PAMR1: variants seen among roughly 807,000 people sequenced by gnomAD.
PAMR1 encodes inactive serine protease PAMR1.
A neutral mutation model predicts 81.8 loss-of-function variants in PAMR1; 88 were observed. The observed-to-expected ratio is 1.08, with a 90% confidence interval of 0.91 to 1.28. The LOEUF is 1.28. PAMR1 is among the 50% of genes most tolerant of loss of function. PAMR1 has a pLI of 0.00. For missense variants in PAMR1, 935 were observed against 919.7 expected, an observed-to-expected ratio of 1.02 and a Z score of -0.21; for synonymous variants, 336 against 345.3, an observed-to-expected ratio of 0.97 and a Z score of 0.30.
chr11:35,504,763 T>C (rs1317135852), intron 1 of PAMR1, among the ~76,000 whole-genome samples: 1 of 71,698 alleles, frequency 1.4e-5, no homozygotes, highest in Non-Finnish European at 2.9e-5. Context: ...GGGATTCCTC[T>C]TTTTTTTAAT....
At chr11:35,471,107 C>T (rs889053503) in intron 4 of PAMR1, among the ~76,000 whole-genome samples, 1 of 152,178 alleles carries the variant, frequency 6.6e-6, no homozygotes, top group African/African-American at 2.4e-5. Flanking sequence ...TTCCAGGGCA[C>T]TTTTTCCTCC....
chr11:35,459,932 G>T (rs1174499827), intron 6 of PAMR1, among the ~76,000 whole-genome samples: 1 of 152,210 alleles, frequency 6.6e-6, no homozygotes, highest in Non-Finnish European at 1.5e-5. Flanking sequence ...TAAAGTGCAG[G>T]TAATCAAAGT....
chr11:35,527,970 C>G (rs559564505), upstream of PAMR1, among the ~76,000 whole-genome samples: 6 of 152,114 alleles, frequency 3.9e-5, no homozygotes, highest in Non-Finnish European at 7.4e-5. Flanking sequence ...CTTCCCATGA[C>G]ACGTGGGGTT....
chr11:35,487,413 G>T (rs1297544149), intron 3 of PAMR1, among the ~76,000 whole-genome samples: 1 of 152,018 alleles, frequency 6.6e-6, no homozygotes, highest in Non-Finnish European at 1.5e-5. Flanking sequence ...GTCCTTCCCA[G>T]CTGGGATCCT....
intron 3 of PAMR1, 22 bp downstream of exon 3, chr11:35,492,023 A>ACTACTTAC: frequency 6.2e-7 from 1 of 1,600,498 alleles, no homozygotes; most frequent in African/African-American, 1.3e-5. Flanking sequence ...CTAGAGATGG[A>ACTACTTAC]GCTAGGTCAA....
chr11:35,516,193 C>T (rs1319282907), intron 1 of PAMR1, among the ~76,000 whole-genome samples: 2 of 152,168 alleles, frequency 1.3e-5, no homozygotes, highest in Admixed American at 1.3e-4. Context: ...GGGGAAGTAA[C>T]TTGCTAAATA....
At chr11:35,494,929 A>G (rs1221951438) in intron 1 of PAMR1, among the ~76,000 whole-genome samples, 1 of 152,238 alleles carries the variant, frequency 6.6e-6, no homozygotes, top group Non-Finnish European at 1.5e-5. Context: ...AAACCAGCAC[A>G]CATCTCTTAG....
chr11:35,484,925 G>A (rs1850470074), intron 3 of PAMR1, among the ~76,000 whole-genome samples: 1 of 152,178 alleles, frequency 6.6e-6, no homozygotes, highest in Admixed American at 6.5e-5. Flanking sequence ...TCAGCAGAGT[G>A]GTTCCACTTC....
At chr11:35,507,810 T>TTTTTTTTTTTTTTTGTTTTTTTTTTTG (rs1850995289) in intron 1 of PAMR1, among the ~76,000 whole-genome samples, 1 of 151,882 alleles carries the variant, frequency 6.6e-6, no homozygotes. Context: ...TTTTTTTTTT[T>TTTTTTTTTTTTTTTGTTTTTTTTTTTG]TCCTGCTGAG....
At chr11:35,448,546 T>C (rs1011662931) in intron 6 of PAMR1, among the ~76,000 whole-genome samples, 2 of 152,212 alleles carry the variant, frequency 1.3e-5, no homozygotes, top group Non-Finnish European at 2.9e-5. Flanking sequence ...CTGTAGTGTT[T>C]TATCATGATT....
In PAMR1 at chr11:35,525,526, CGAGAT is replaced by C; in HGVS notation, c.55_59del (p.Ile19ValfsTer10). 6.2e-7 allele frequency: 1 copy of C among 1,613,912 alleles called. No individual in the cohort carries two copies. Among genetic ancestry groups the C allele is most frequent in the South Asian group, 1.1e-5 (1 of 91,050 alleles). On this transcript the variant is annotated frameshift_variant, in exon 1 of 11. Transcript: ENST00000619888. LOFTEE classifies it high-confidence loss of function. ...TACTCACAGTACCTCTTGGCAAGGA[CGAGAT>C]GAGAAGGAGCTGAAGAAAAGTGAGC...
chr11:35,440,419 C>T (rs1204666265), intron 7 of PAMR1, among the ~76,000 whole-genome samples: 1 of 152,288 alleles, frequency 6.6e-6, no homozygotes, highest in Non-Finnish European at 1.5e-5. Flanking sequence ...GGATGAAGGT[C>T]GCTTCTGGCT....
At chr11:35,506,732 T>C (rs1850965590) in intron 1 of PAMR1, among the ~76,000 whole-genome samples, 1 of 152,050 alleles carries the variant, frequency 6.6e-6, no homozygotes, top group Non-Finnish European at 1.5e-5. Context: ...GCTTTTAGGG[T>C]CCTCTCTTTG....
At chr11:35,436,188 G>T in intron 8 of PAMR1, 53 bp from the exon 9 acceptor site, 1 of 1,193,978 alleles carries the variant, frequency 8.4e-7, no homozygotes, top group Non-Finnish European at 1.2e-6. Context: ...GAAAGTCACT[G>T]TGGCCTCTTT....
intron 1 of PAMR1, among the ~76,000 whole-genome samples, chr11:35,511,101 A>G (rs1419759532): frequency 1.3e-5 from 2 of 152,266 alleles, no homozygotes; most frequent in East Asian, 1.9e-4. Context: ...GCTTTCATAT[A>G]TTTAGTAAAC....
chr11:35,462,880 C>T (rs1005387414), intron 6 of PAMR1, among the ~76,000 whole-genome samples: 14 of 152,108 alleles, frequency 9.2e-5, no homozygotes, highest in African/African-American at 3.1e-4. Flanking sequence ...CACCTTGGGG[C>T]GTACCATCTC....
At chr11:35,498,401 T>C (rs1361368948) in intron 1 of PAMR1, among the ~76,000 whole-genome samples, 1 of 152,116 alleles carries the variant, frequency 6.6e-6, no homozygotes, top group South Asian at 2.1e-4. Flanking sequence ...GTAAAATGAG[T>C]GTACATTTTC....
chr11:35,522,563 G>A (rs188104550), intron 1 of PAMR1, among the ~76,000 whole-genome samples: 33 of 152,282 alleles, frequency 2.2e-4, no homozygotes, highest in East Asian at 1.5e-3. Flanking sequence ...ATATTCCGTC[G>A]TAGGTGTATA....
At chr11:35,435,585 G>C (rs1214509441) in intron 9 of PAMR1, among the ~76,000 whole-genome samples, 2 of 151,946 alleles carry the variant, frequency 1.3e-5, no homozygotes, top group Non-Finnish European at 2.9e-5. Context: ...GCTTAAACAG[G>C]GTAGCCAAGA....
Sources: allele counts gnomAD v4.1 joint callset (sites outside exome capture counted in the v4.1 genomes callset), GRCh38; gene constraint gnomAD v4.1.1; transcripts MANE v1.5; gene names NCBI Gene and HGNC (gene_info 2026-07-23, HGNC 2026-07-21).